Variants in ZNF385C observed in about 807,000 individuals in gnomAD.
ZNF385C encodes the protein CTD-2132N18.2.
A neutral mutation model predicts 35.4 loss-of-function variants in ZNF385C; 28 were observed. The ratio of observed to expected loss-of-function variants is 0.79; its 90% confidence interval spans 0.59 to 1.08. ZNF385C has a LOEUF of 1.08. Ranked by LOEUF, ZNF385C falls within the 50% of genes least tolerant of loss-of-function variation. The pLI, the probability that ZNF385C is intolerant of heterozygous loss-of-function variation, is 0.00. For synonymous variants in ZNF385C, 248 were observed against 248.2 expected, an observed-to-expected ratio of 1.00 and a Z score of 0.01; for missense variants, 605 against 595.6, an observed-to-expected ratio of 1.02 and a Z score of -0.16.
intron 2 of ZNF385C, among the ~76,000 whole-genome samples, chr17:42,044,823 C>T (rs894721806): frequency 6.6e-6 from 1 of 152,108 alleles, no homozygotes; most frequent in Non-Finnish European, 1.5e-5. Context: ...CCTCTACCTC[C>T]CTCACTCTGC....
intron 2 of ZNF385C, among the ~76,000 whole-genome samples, chr17:42,057,477 C>T (rs1555657607): frequency 7.5e-6 from 1 of 132,530 alleles, no homozygotes; most frequent in Non-Finnish European, 1.7e-5. Context: ...CAGAGAATCA[C>T]TTAAAGTTAT....
At chr17:42,062,771 C>T (rs1285662524) in intron 2 of ZNF385C, 36 bp downstream of exon 2, 1 of 511,972 alleles carries the variant, frequency 2.0e-6, no homozygotes, top group Non-Finnish European at 3.5e-6. Context: ...ACTCCCCAAA[C>T]CAAATTTGTG....
chr17:42,067,795 G>C (rs192121302), intron 1 of ZNF385C, among the ~76,000 whole-genome samples: 1 of 152,262 alleles, frequency 6.6e-6, no homozygotes. Flanking sequence ...AAGTGTTGGT[G>C]GGGGGAGAGG....
At chr17:42,063,266 C>G (rs552746179) in intron 1 of ZNF385C, among the ~76,000 whole-genome samples, 2 of 152,152 alleles carry the variant, frequency 1.3e-5, no homozygotes, top group Admixed American at 1.3e-4. Flanking sequence ...CTGTGGCTCA[C>G]GCCTGTAATC....
intron 2 of ZNF385C, 110 bp downstream of exon 2, chr17:42,062,697 C>T (rs1024192605): frequency 1.2e-4 from 52 of 428,316 alleles, no homozygotes; most frequent in African/African-American, 7.4e-4. Flanking sequence ...GCACCCCAGA[C>T]GCAAAGACCC....
intron 1 of ZNF385C, among the ~76,000 whole-genome samples, chr17:42,071,711 G>A (rs1461403060): frequency 1.3e-5 from 2 of 152,170 alleles, no homozygotes; most frequent in Admixed American, 6.5e-5. Flanking sequence ...GAGACCCGCC[G>A]GCCCCATGCC....
chr17:42,094,442 CTGAGAG>C (rs112267544), intron 1 of ZNF385C, among the ~76,000 whole-genome samples: 4,024 of 152,024 alleles, frequency 0.026, 184 homozygotes, highest in African/African-American at 0.092. Context: ...CAGTCAGACA[CTGAGAG>C]TGGGAGTGTG....
chr17:42,028,000 C>A, intron 7 of ZNF385C, 50 bp downstream of exon 7: 1 of 1,592,032 alleles, frequency 6.3e-7, no homozygotes, highest in Non-Finnish European at 8.6e-7. Context: ...GCCCTGCCCC[C>A]CAACCCCCTC....
At chr17:42,051,616 G>A (rs551784806) in intron 2 of ZNF385C, among the ~76,000 whole-genome samples, 295 of 152,264 alleles carry the variant, frequency 1.9e-3, no homozygotes, top group Non-Finnish European at 3.5e-3. Flanking sequence ...GCCATTCAGA[G>A]AGGGGGCTGG....
intron 1 of ZNF385C, among the ~76,000 whole-genome samples, chr17:42,063,317 T>C (rs967495404): frequency 5.3e-5 from 8 of 152,038 alleles, no homozygotes; most frequent in African/African-American, 1.9e-4. Context: ...TCACCTGAGG[T>C]CAGGAGTTTG....
intron 4 of ZNF385C, among the ~76,000 whole-genome samples, 183 bp from the exon 5 acceptor site, chr17:42,031,967 G>T (rs2052740027): frequency 6.6e-6 from 1 of 152,202 alleles, no homozygotes; most frequent in South Asian, 2.1e-4. Context: ...TGCAGAATGT[G>T]TTCTCGCACA....
At chr17:42,082,711 T>C (rs1268487159) in intron 1 of ZNF385C, among the ~76,000 whole-genome samples, 2 of 152,216 alleles carry the variant, frequency 1.3e-5, no homozygotes, top group Admixed American at 1.3e-4. Context: ...GGTAGGAGGA[T>C]TGGTTGAGTC....
intron 4 of ZNF385C, among the ~76,000 whole-genome samples, chr17:42,032,185 G>A (rs547318179): frequency 2.3e-4 from 35 of 151,834 alleles, no homozygotes; most frequent in African/African-American, 8.5e-4. Context: ...CTCAGCCTCC[G>A]GGGTAGCTGG....
chr17:42,049,824 T>G (rs1191232523), intron 2 of ZNF385C, among the ~76,000 whole-genome samples: 2 of 152,254 alleles, frequency 1.3e-5, no homozygotes, highest in Non-Finnish European at 2.9e-5. Context: ...CTGCAGCTAT[T>G]GTAAATGCAG....
intron 1 of ZNF385C, among the ~76,000 whole-genome samples, chr17:42,094,619 G>A (rs931404576): frequency 1.3e-5 from 2 of 152,144 alleles, no homozygotes; most frequent in African/African-American, 2.4e-5. Context: ...CACAGATGGG[G>A]AGCACACAGG....
At chr17:42,083,680 T>C (rs1242297650) in intron 1 of ZNF385C, among the ~76,000 whole-genome samples, 1 of 149,312 alleles carries the variant, frequency 6.7e-6, no homozygotes, top group Admixed American at 6.7e-5. Context: ...TTTACATCCA[T>C]GTAACTTTCT....
At position 42,026,798 on chromosome 17, in the gene ZNF385C, G is replaced by T. The variant is rs2052587484; in HGVS notation, c.*99C>A. On this transcript the variant is annotated 3_prime_UTR_variant, in exon 9 of 9. Coordinates refer to ENST00000692273, the MANE Select transcript of ZNF385C (RefSeq NM_001392013.1). ...TGGATCGGGCAGGACCCCTGAAGCTGTTCACAGTCCCTGTGGCATGTAGGA... is the reference window on the plus strand; with the variant it reads ...TGGATCGGGCAGGACCCCTGAAGCTTTTCACAGTCCCTGTGGCATGTAGGA... 1 of 1,215,142 alleles carries T rather than the reference G, an allele frequency of 8.2e-7. No individual in the cohort carries two copies. The highest frequency in any genetic ancestry group is 1.2e-6 in the Non-Finnish European group (1 of 840,820). The allele number at this position is 1,215,142 out of a possible 1,614,324, so 75.3% of individuals were successfully genotyped here.
chr17:42,085,403 G>T (rs1256735267), intron 1 of ZNF385C, among the ~76,000 whole-genome samples: 4 of 151,488 alleles, frequency 2.6e-5, no homozygotes, highest in African/African-American at 9.7e-5. Flanking sequence ...TGAGCAGCTG[G>T]GACTACAAGT....
At position 42,066,419 on chromosome 17, in the gene ZNF385C, A is replaced by G. The variant is rs114411744; in HGVS notation, c.-2-3361T>C. On this transcript the variant is annotated intron_variant, in intron 1 of 8. Transcript: ENST00000692273. ...TTGCAGCTTGTGAGTGAAGTCTGTC[A>G]CCCTGTGTGTCTGTCATGATGTACC... Among the ~76,000 whole-genome samples, 944 of 152,106 alleles carry G rather than the reference A, an allele frequency of 6.2e-3. 9 individuals are homozygous for G. Among genetic ancestry groups the G allele is most frequent in the African/African-American group, 0.02 (816 of 41,482 alleles).
Sources: gnomAD v4.1 joint callset for allele counts (sites outside exome capture counted in the v4.1 genomes callset) on GRCh38, gnomAD v4.1.1 for gene constraint, MANE v1.5 for transcripts, NCBI Gene and HGNC (gene_info 2026-07-23, HGNC 2026-07-21) for gene names.